The following RAC1 variants were observed in gnomAD, a reference collection of about 807,000 sequenced individuals.
RAC1 encodes Rac family small GTPase 1.
In RAC1, 2 loss-of-function variants were observed where a neutral mutation model predicts 25.2. That is an observed-to-expected ratio of 0.08 (90% CI 0.03 to 0.25). The LOEUF is 0.25. Among genes scored for constraint, RAC1 ranks in the 10% least tolerant of loss-of-function variants. The probability of loss-of-function intolerance (pLI) is 1.00; values close to 1 mark genes in which losing one functional copy is unlikely to be tolerated. For missense variants in RAC1, 50 were observed against 235.7 expected (o/e 0.21, Z 5.16); for synonymous variants, 88 against 94.0 (o/e 0.94, Z 0.37).
In RAC1 at chr7:6,386,127, A is replaced by G. The variant is rs116894688; in HGVS notation, c.36-1085A>G. Among the ~76,000 whole-genome samples the G allele has an allele frequency of 2.0e-3, 302 of 152,328 alleles. 1 individual carries two copies. Among genetic ancestry groups the G allele is most frequent in the Admixed American group, 3.2e-3 (49 of 15,288 alleles). On this transcript the variant is annotated intron_variant, in intron 1 of 5. Transcript: ENST00000348035. ...AGTCTCTACCCATTGCCAGTTGTGC[A>G]GGTGGTGCTCCTTTCTCTGAAGTAT...
intron 1 of RAC1, among the ~76,000 whole-genome samples, chr7:6,384,323 C>CTTCCATGTGTGTCTG (rs1377733438): frequency 3.3e-5 from 5 of 152,170 alleles, no homozygotes; most frequent in African/African-American, 1.2e-4. Context: ...TTGACTGAGT[C>CTTCCATGTGTGTCTG]CCTGGCGTCC....
At chr7:6,388,612 G>A (rs571240097) in intron 2 of RAC1, among the ~76,000 whole-genome samples, 5 of 152,072 alleles carry the variant, frequency 3.3e-5, no homozygotes, top group African/African-American at 1.2e-4. Context: ...CCAAAGTGCT[G>A]GGATTACAGG....
chr7:6,398,812 C>G, intron 3 of RAC1: 1 of 1,184,932 alleles, frequency 8.4e-7, no homozygotes. Flanking sequence ...GCCTCAAGCT[C>G]CTTGAGTGTT....
chr7:6,385,606 G>GTAA (rs1782903994), intron 1 of RAC1, among the ~76,000 whole-genome samples: 1 of 152,204 alleles, frequency 6.6e-6, no homozygotes, highest in Admixed American at 6.5e-5. Flanking sequence ...TCCTGGTGAT[G>GTAA]TAATGTTTGA....
chr7:6,395,992 G>A (rs145485198), intron 3 of RAC1, among the ~76,000 whole-genome samples: 1 of 152,250 alleles, frequency 6.6e-6, no homozygotes, highest in Admixed American at 6.5e-5. Context: ...TGGGCAGGAG[G>A]CTGTGGGAAG....
rs186661972 is a variant in RAC1 at position 6,392,599 on chromosome 7, A to G, written c.225+558A>G. On this transcript the variant is annotated intron_variant, in intron 3 of 5. Coordinates refer to ENST00000348035, the MANE Select transcript of RAC1 (RefSeq NM_006908.5). ...AAAAAAAGTTTACTTTTGCTTCTGT[A>G]TCAGACAACTAAGTGATTTATTTAC... Among the ~76,000 whole-genome samples, 15 of 152,366 alleles carry G rather than the reference A, an allele frequency of 9.8e-5. 1 individual carries two copies. The East Asian group carries it at 2.7e-3, about 27-fold the overall frequency.
chr7:6,396,532 G>A (rs559715092), intron 3 of RAC1, among the ~76,000 whole-genome samples: 141 of 152,270 alleles, frequency 9.3e-4, no homozygotes, highest in African/African-American at 3.2e-3. Flanking sequence ...TCAAAAAAGA[G>A]GCTCTTAAAA....
At chr7:6,386,062 C>T (rs560002148) in intron 1 of RAC1, among the ~76,000 whole-genome samples, 2 of 152,338 alleles carry the variant, frequency 1.3e-5, no homozygotes, top group South Asian at 4.1e-4. Flanking sequence ...CTTTCAGCCA[C>T]CACTCTTCTG....
intron 3 of RAC1, among the ~76,000 whole-genome samples, chr7:6,393,481 G>A (rs1783146725): frequency 6.6e-6 from 1 of 152,084 alleles, no homozygotes; most frequent in Admixed American, 6.5e-5. Flanking sequence ...TCTAAGGAAG[G>A]CCTCACAGTA....
chr7:6,396,235 C>T (rs1449853438), intron 3 of RAC1, among the ~76,000 whole-genome samples: 1 of 152,150 alleles, frequency 6.6e-6, no homozygotes, highest in African/African-American at 2.4e-5. Flanking sequence ...TGGAGAGACA[C>T]CGGTGGTGCC....
Position 6,402,679 on chromosome 7 carries a change from T to C in RAC1, c.*233T>C. 1 of 385,674 alleles carries C rather than the reference T, an allele frequency of 2.6e-6. No individual in the cohort carries two copies. The highest frequency in any genetic ancestry group is 4.4e-6 in the Non-Finnish European group (1 of 224,920). The allele number at this position is 385,674 out of a possible 1,614,324, so 23.9% of individuals were successfully genotyped here. On this transcript the variant is annotated 3_prime_UTR_variant, in exon 6 of 6. Transcript: ENST00000348035. The stretch of plus-strand genomic sequence containing the variant: ...TTCAGACTCACATTCTATTAAAATT[T>C]AGCCCTAAAATGACAAGCCTTCTTA...
chr7:6,387,060 G>A (rs559963173), intron 1 of RAC1, 152 bp from the exon 2 acceptor site: 2 of 548,442 alleles, frequency 3.6e-6, no homozygotes, highest in East Asian at 3.4e-5. Flanking sequence ...TGTGTATGTG[G>A]TGATAAAGGG....
intron 5 of RAC1, 110 bp downstream of exon 5, chr7:6,402,137 G>A (rs1583271630): frequency 6.9e-7 from 1 of 1,439,622 alleles, no homozygotes; most frequent in East Asian, 2.3e-5. Context: ...AGGGCCTGGT[G>A]TACTCTTGGG....
At chr7:6,386,670 G>A (rs891290887) in intron 1 of RAC1, among the ~76,000 whole-genome samples, 1 of 151,724 alleles carries the variant, frequency 6.6e-6, no homozygotes, top group African/African-American at 2.4e-5. Flanking sequence ...TGTAATCCCA[G>A]CTACTTGGGA....
In RAC1 at chr7:6,396,466, C is replaced by T. The variant is rs543112272; in HGVS notation, c.226-3660C>T. Among the ~76,000 whole-genome samples the T allele has an allele frequency of 3.3e-5, 5 of 152,196 alleles. No homozygotes were observed. The East Asian group carries it at 7.7e-4, about 24-fold the overall frequency. On this transcript the variant is annotated intron_variant, in intron 3 of 5. Transcript: ENST00000348035. ...GAAGGAACAGGCAGATGGCATAGCACGAACGCCGGGTGGAAAGTGGAACTG... is the reference window on the plus strand; with the variant it reads ...GAAGGAACAGGCAGATGGCATAGCATGAACGCCGGGTGGAAAGTGGAACTG...
chr7:6,384,500 A>G (rs565185393), intron 1 of RAC1, among the ~76,000 whole-genome samples: 1 of 152,096 alleles, frequency 6.6e-6, no homozygotes, highest in Non-Finnish European at 1.5e-5. Flanking sequence ...TATTGTTGAG[A>G]TGGGATCGTG....
At chr7:6,394,928 C>G (rs1281237443) in intron 3 of RAC1, among the ~76,000 whole-genome samples, 1 of 152,144 alleles carries the variant, frequency 6.6e-6, no homozygotes, top group Admixed American at 6.5e-5. Flanking sequence ...GATCTTGGCT[C>G]ACTGCAAGCT....
intron 1 of RAC1, among the ~76,000 whole-genome samples, chr7:6,375,220 T>G (rs1396419125): frequency 6.6e-6 from 1 of 152,100 alleles, no homozygotes; most frequent in Non-Finnish European, 1.5e-5. Context: ...CATGCTTGAT[T>G]GTACGGGCCG....
intron 2 of RAC1, among the ~76,000 whole-genome samples, chr7:6,389,786 G>A (rs1029207214): frequency 3.3e-5 from 5 of 152,130 alleles, no homozygotes; most frequent in Admixed American, 6.6e-5. Context: ...TTGGTCTCCC[G>A]AAGTGTTGGG....
Sources: gnomAD v4.1 joint callset for allele counts (sites outside exome capture counted in the v4.1 genomes callset) on GRCh38, gnomAD v4.1.1 for gene constraint, MANE v1.5 for transcripts, NCBI Gene and HGNC (gene_info 2026-07-23, HGNC 2026-07-21) for gene names.